Variants in KIAA0930 observed in about 807,000 individuals in gnomAD.
The protein encoded by KIAA0930 is KIAA0930.
Under a neutral mutation model 43.9 loss-of-function variants are expected in KIAA0930, and 24 were observed. The ratio of observed to expected loss-of-function variants is 0.55; its 90% CI spans 0.40 to 0.77. KIAA0930 has a LOEUF of 0.77. Ranked by LOEUF, KIAA0930 falls within the 30% of genes least tolerant of loss-of-function variation. The pLI is 0.00. For synonymous variants in KIAA0930, 259 were observed against 216.4 expected (o/e 1.20, Z -1.73); for missense variants, 461 against 574.2 (o/e 0.80, Z 2.02).
intron 1 of KIAA0930, among the ~76,000 whole-genome samples, chr22:45,231,103 A>G (rs1294290084): frequency 6.6e-6 from 1 of 151,798 alleles, no homozygotes; most frequent in Admixed American, 6.6e-5. Flanking sequence ...ATACATAAAA[A>G]TCAGCCAGGC....
intron 1 of KIAA0930, chr22:45,212,590 C>G (rs2083704932): frequency 7.3e-7 from 1 of 1,372,362 alleles, no homozygotes; most frequent in South Asian, 1.8e-5. Context: ...CAGCCGCCCT[C>G]CAGCCAGCCA....
chr22:45,197,651 GC>G (rs1163998428), intron 9 of KIAA0930, 138 bp downstream of exon 9: 1 of 820,360 alleles, frequency 1.2e-6, no homozygotes, highest in African/African-American at 1.7e-5. Context: ...AGACAAAGAG[GC>G]CAAGAGCCCT....
intron 2 of KIAA0930, among the ~76,000 whole-genome samples, chr22:45,207,165 C>A (rs1043411669): frequency 6.7e-6 from 1 of 148,452 alleles, no homozygotes; most frequent in African/African-American, 2.5e-5. Flanking sequence ...TGCCACCACA[C>A]CTGGCTAATT....
At chr22:45,202,084 G>C (rs751461634) in intron 7 of KIAA0930, among the ~76,000 whole-genome samples, 1 of 152,242 alleles carries the variant, frequency 6.6e-6, no homozygotes, top group Non-Finnish European at 1.5e-5. Context: ...AAGGTTATGA[G>C]AGCAGCAGAG....
chr22:45,193,140 C>A lies in KIAA0930; in HGVS notation c.*4036G>T, dbSNP rs995035005. On this transcript the variant is annotated 3_prime_UTR_variant, in exon 10 of 10. Coordinates refer to ENST00000336156, the MANE Select transcript of KIAA0930 (RefSeq NM_001009880.2). ...GTTGTTTGTAAAACAAAAGTACAGT[C>A]ATTCTGCTTTCTGATACAGACTAGA... 7 of 152,198 alleles carry A rather than the reference C, an allele frequency of 4.6e-5. No individual in the cohort carries two copies. The highest frequency in any genetic ancestry group is 1.7e-4 in the African/African-American group (7 of 41,446). 9.4% of individuals were successfully genotyped at this position (152,198 alleles called of 1,614,324 possible).
chr22:45,203,998 A>T lies in KIAA0930; in HGVS notation c.517-13T>A. The T allele has an allele frequency of 6.2e-7, 1 of 1,613,618 alleles. No individual in the cohort carries two copies. The highest frequency in any genetic ancestry group is 8.5e-7 in the Non-Finnish European group (1 of 1,179,738). ...TGTCGCTGAACACCTGGGCCAGGAC[A>T]CAAAGAGACAGGGACGTGACCATCA... On this transcript the variant is annotated splice_polypyrimidine_tract_variant and intron_variant, in intron 5 of 9. Coordinates refer to ENST00000336156, the MANE Select transcript of KIAA0930 (RefSeq NM_001009880.2).
intron 2 of KIAA0930, chr22:45,211,515 G>T: frequency 4.5e-6 from 2 of 441,846 alleles, no homozygotes; most frequent in South Asian, 1.4e-4. Flanking sequence ...TCAGCACTGT[G>T]TCTAGATGAT....
intron 1 of KIAA0930, among the ~76,000 whole-genome samples, chr22:45,238,887 T>TCGCTCTCGCTCGCTCTCTCG (rs1569087817): frequency 3.3e-5 from 5 of 151,772 alleles, no homozygotes; most frequent in African/African-American, 1.2e-4. Context: ...TCTCTCTCTC[T>TCGCTCTCGCTCGCTCTCTCG]CTCTCTCTCT....
intron 9 of KIAA0930, 108 bp downstream of exon 9, chr22:45,197,682 C>T (rs906738000): frequency 5.1e-5 from 63 of 1,224,818 alleles, no homozygotes; most frequent in Non-Finnish European, 6.3e-5. Flanking sequence ...CCCAACCAAC[C>T]GACAGGACAG....
In KIAA0930 at chr22:45,197,947, G is replaced by A. The variant is rs370540971; in HGVS notation, c.1017C>T (p.Ala339=). ...EEFFREDDGG[A]DLHNATNLRS... is the part of the protein sequence containing the mutation. ...GCAGGTTGGTTGCATTGTGCAGATC[G>A]GCTGGAGGAAAGAAGGCCAGGTCAA... The change falls in exon 9 of 10, where the codon GCC becomes GCT. Residue 339 remains alanine, a splice_region_variant and synonymous_variant. Coordinates refer to ENST00000336156, the MANE Select transcript of KIAA0930 (RefSeq NM_001009880.2). 3.1e-6 allele frequency: 5 copies of A among 1,613,532 alleles called. No homozygotes were observed. The highest frequency in any genetic ancestry group is 1.7e-4 in the Middle Eastern group (1 of 6,060).
chr22:45,205,512 C>A, intron 4 of KIAA0930, 118 bp downstream of exon 4: 1 of 1,031,040 alleles, frequency 9.7e-7, no homozygotes, highest in Non-Finnish European at 1.5e-6. Context: ...GAGCAGATTT[C>A]TGGAGTCAGA....
At chr22:45,240,608 C>G (rs1242855906) in intron 1 of KIAA0930, 32 bp downstream of exon 1, 1 of 1,495,098 alleles carries the variant, frequency 6.7e-7, no homozygotes, top group South Asian at 1.2e-5. Flanking sequence ...CTCACCTCTC[C>G]CGGCCCGGCC....
chr22:45,197,047 T>C lies in KIAA0930; in HGVS notation c.*129A>G. ...GTCGGCCCCGGCCCCGGGAGTCGAG[T>C]GGCCTCGCCTGGCTGCGGCTCCAGC... is the stretch of plus-strand genomic sequence containing the variant. On this transcript the variant is annotated 3_prime_UTR_variant, in exon 10 of 10. Transcript: ENST00000336156. 1.3e-6 allele frequency: 1 copy of C among 755,924 alleles called. No individual in the cohort carries two copies. The highest frequency in any genetic ancestry group is 2.1e-5 in the South Asian group (1 of 48,066). The allele number at this position is 755,924 out of a possible 1,614,324, so 46.8% of individuals were successfully genotyped here.
intron 7 of KIAA0930, chr22:45,201,154 C>T (rs898647768): frequency 7.0e-5 from 30 of 427,400 alleles, no homozygotes; most frequent in South Asian, 2.6e-4. Flanking sequence ...TCCCACAAGC[C>T]GGGGAAGGTT....
chr22:45,219,231 C>T lies in KIAA0930; in HGVS notation c.65-7124G>A, dbSNP rs184023631. ...GTAAAATCAGAACAGCTGCCTCCTA[C>T]GGTTACCATGGAGACCAAATGAGCT... On this transcript the variant is annotated intron_variant, in intron 1 of 9. Transcript: ENST00000336156. Among the ~76,000 whole-genome samples, 29 of 152,252 alleles carry T rather than the reference C, an allele frequency of 1.9e-4. No homozygotes were observed. The South Asian group carries it at 3.5e-3, about 18-fold the overall frequency.
At chr22:45,229,726 C>A (rs1375155169) in intron 1 of KIAA0930, among the ~76,000 whole-genome samples, 2 of 152,214 alleles carry the variant, frequency 1.3e-5, no homozygotes, top group Non-Finnish European at 2.9e-5. Flanking sequence ...ACGGCTGGGG[C>A]TCAGGGGGTC....
At chr22:45,199,222 G>A (rs529982780) in intron 8 of KIAA0930, among the ~76,000 whole-genome samples, 10 of 152,294 alleles carry the variant, frequency 6.6e-5, no homozygotes, top group African/African-American at 2.2e-4. Flanking sequence ...AACAACTCCT[G>A]TATTCTGGAA....
At chr22:45,223,858 G>T (rs1569081705) in intron 1 of KIAA0930, among the ~76,000 whole-genome samples, 1 of 151,424 alleles carries the variant, frequency 6.6e-6, no homozygotes, top group African/African-American at 2.4e-5. Flanking sequence ...TGAGCACCCA[G>T]GATCAGCACC....
At position 45,219,582 on chromosome 22, in the gene KIAA0930, G is replaced by GTTTT. The variant is rs535482000; in HGVS notation, c.65-7479_65-7476dup. Among the ~76,000 whole-genome samples the GTTTT allele has an allele frequency of 3.6e-4, 22 of 61,206 alleles. 1 individual carries two copies. Among genetic ancestry groups the GTTTT allele is most frequent in the African/African-American group, 8.6e-4 (15 of 17,460 alleles). The allele number at this position is 61,206 out of a possible 152,430, so 40.2% of individuals were successfully genotyped here. A position where few individuals can be genotyped will look rare whatever the true frequency, so the allele number is the denominator to read the frequency against. The stretch of plus-strand genomic sequence containing the variant: ...TAACACAGCAGGCCAAGAGGTGATT[G>GTTTT]TTTTTTTTTTTTTTTTTTTTTTTTT... On this transcript the variant is annotated intron_variant, in intron 1 of 9. Transcript: ENST00000336156.
Sources: allele counts gnomAD v4.1 joint callset (sites outside exome capture counted in the v4.1 genomes callset), GRCh38; gene constraint gnomAD v4.1.1; transcripts MANE v1.5; gene names NCBI Gene and HGNC (gene_info 2026-07-23, HGNC 2026-07-21).